ARHGEF26: variants seen among roughly 807,000 people sequenced by gnomAD.
ARHGEF26 encodes the protein Rho guanine nucleotide exchange factor 26, also known as Rho guanine nucleotide exchange factor (GEF) 26.
A neutral mutation model predicts 89.4 loss-of-function variants in ARHGEF26; 59 were observed. The observed-to-expected ratio is 0.66, with a 90% CI of 0.54 to 0.82. The LOEUF (loss-of-function observed/expected upper bound fraction) is 0.82. ARHGEF26 is among the 40% of genes least tolerant of loss of function. ARHGEF26 has a pLI of 0.00. For missense variants in ARHGEF26, 1,234 were observed against 1,085.6 expected (o/e 1.14, Z -1.92); for synonymous variants, 500 against 428.4 (o/e 1.17, Z -2.06).
In ARHGEF26 at chr3:154,207,379, C is replaced by A. The variant is rs185607259; in HGVS notation, c.1846-10490C>A. ...CATCTGACAAAGGTCTAATATCCAG[C>A]ATCTATAAGAAACTTAAATTTACAA... On this transcript the variant is annotated intron_variant, in intron 9 of 14. Coordinates refer to ENST00000465093, the MANE Select transcript of ARHGEF26 (RefSeq NM_015595.4). Among the ~76,000 whole-genome samples the A allele has an allele frequency of 5.3e-5, 8 of 152,062 alleles. No individual in the cohort carries two copies. The East Asian group carries it at 1.5e-3, about 29-fold the overall frequency.
chr3:154,176,395 A>G (rs1323578642), intron 6 of ARHGEF26, among the ~76,000 whole-genome samples: 1 of 152,122 alleles, frequency 6.6e-6, no homozygotes, highest in African/African-American at 2.4e-5. Context: ...AATTATTAAG[A>G]GGCAATTAAA....
chr3:154,226,599 A>G (rs1461028216), intron 11 of ARHGEF26, among the ~76,000 whole-genome samples: 3 of 152,116 alleles, frequency 2.0e-5, no homozygotes, highest in East Asian at 3.9e-4. Flanking sequence ...TGAGATGTCC[A>G]TGAAGAATAT....
chr3:154,135,257 C>G (rs1008949423), intron 4 of ARHGEF26, among the ~76,000 whole-genome samples: 1 of 152,000 alleles, frequency 6.6e-6, no homozygotes, highest in Non-Finnish European at 1.5e-5. Context: ...TTTCAGAAAT[C>G]GTGATTGGTC....
intron 9 of ARHGEF26, among the ~76,000 whole-genome samples, chr3:154,212,825 C>A (rs1045160857): frequency 1.3e-5 from 2 of 151,980 alleles, no homozygotes; most frequent in Non-Finnish European, 2.9e-5. Flanking sequence ...CACCTCCTGC[C>A]GTGCGCTGGA....
chr3:154,144,234 TG>T (rs1719564616), intron 4 of ARHGEF26, among the ~76,000 whole-genome samples: 1 of 152,188 alleles, frequency 6.6e-6, no homozygotes, highest in African/African-American at 2.4e-5. Context: ...GCTCAGGCTT[TG>T]GGGGTGGACA....
chr3:154,255,525 T>G lies in ARHGEF26; in HGVS notation c.*52T>G. 1.3e-6 allele frequency: 2 copies of G among 1,577,052 alleles called. No individual in the cohort carries two copies. The highest frequency in any genetic ancestry group is 2.4e-5 in the South Asian group (2 of 83,948). On this transcript the variant is annotated 3_prime_UTR_variant, in exon 15 of 15. Coordinates refer to ENST00000465093, the MANE Select transcript of ARHGEF26 (RefSeq NM_015595.4). The stretch of plus-strand genomic sequence containing the variant: ...AAGATTTGCACGACACTTACCGGGC[T>G]GGTTGGTTCTGGGCTAGTTTTATTG...
intron 4 of ARHGEF26, among the ~76,000 whole-genome samples, chr3:154,141,461 G>T (rs1040253870): frequency 1.3e-5 from 2 of 152,152 alleles, no homozygotes; most frequent in Non-Finnish European, 2.9e-5. Flanking sequence ...TGGCCTCCAT[G>T]ATGTACTATG....
At chr3:154,197,788 G>T (rs1199625464) in intron 9 of ARHGEF26, among the ~76,000 whole-genome samples, 3 of 151,990 alleles carry the variant, frequency 2.0e-5, no homozygotes, top group South Asian at 2.1e-4. Context: ...TAACATGCTG[G>T]GGGGAGAAAT....
intron 12 of ARHGEF26, 63 bp downstream of exon 12, chr3:154,240,642 G>A (rs1457826184): frequency 7.0e-7 from 1 of 1,437,168 alleles, no homozygotes; most frequent in Non-Finnish European, 9.3e-7. Context: ...GATTTTCTTT[G>A]GTTTACAGAC....
At chr3:154,231,712 C>A (rs1049114929) in intron 11 of ARHGEF26, among the ~76,000 whole-genome samples, 2 of 152,132 alleles carry the variant, frequency 1.3e-5, no homozygotes, top group African/African-American at 4.8e-5. Context: ...AGGTACGGCA[C>A]GCTCTAGGAC....
chr3:154,234,890 T>C (rs542072260), intron 11 of ARHGEF26, among the ~76,000 whole-genome samples: 12 of 152,226 alleles, frequency 7.9e-5, no homozygotes, highest in East Asian at 1.9e-4. Context: ...CTCAGCCTCC[T>C]GAGTAGCTGG....
chr3:154,208,759 T>C (rs1310130040), intron 9 of ARHGEF26, among the ~76,000 whole-genome samples: 1 of 147,848 alleles, frequency 6.8e-6, no homozygotes, highest in Admixed American at 7.0e-5. Context: ...AGTATGCCAA[T>C]TGCATTTTTT....
Position 154,255,930 on chromosome 3 carries a change from T to C in ARHGEF26, c.*457T>C. 1.0e-6 allele frequency: 1 copy of C among 987,080 alleles called. No homozygotes were observed. Among genetic ancestry groups the C allele is most frequent in the Non-Finnish European group, 1.2e-6 (1 of 830,878 alleles). 61.1% of individuals were successfully genotyped at this position (987,080 alleles called of 1,614,324 possible). On this transcript the variant is annotated 3_prime_UTR_variant, in exon 15 of 15. Transcript: ENST00000465093. The stretch of plus-strand genomic sequence containing the variant: ...TTTTGTAAATATTTCCCTGCCTTTT[T>C]TTTTCTTTTTTTACATCTGATTTTA...
chr3:154,254,072 T>C (rs1315168224), intron 13 of ARHGEF26, among the ~76,000 whole-genome samples: 2 of 152,052 alleles, frequency 1.3e-5, no homozygotes, highest in Admixed American at 6.5e-5. Context: ...CCCGCCACCA[T>C]GCCCAGCTAA....
chr3:154,236,902 T>G (rs1351106280), intron 11 of ARHGEF26, among the ~76,000 whole-genome samples: 1 of 152,196 alleles, frequency 6.6e-6, no homozygotes, highest in Non-Finnish European at 1.5e-5. Context: ...GTAAATTACT[T>G]TAAAAACAAA....
At chr3:154,192,015 T>C (rs1469486279) in intron 8 of ARHGEF26, among the ~76,000 whole-genome samples, 2 of 152,108 alleles carry the variant, frequency 1.3e-5, no homozygotes, top group Non-Finnish European at 2.9e-5. Flanking sequence ...GAAAAGTGAG[T>C]AGAGTCTGCC....
At chr3:154,125,708 T>TA (rs1431318227) in intron 3 of ARHGEF26, among the ~76,000 whole-genome samples, 3 of 152,200 alleles carry the variant, frequency 2.0e-5, no homozygotes, top group Non-Finnish European at 4.4e-5. Flanking sequence ...TAACTAGTTT[T>TA]ACGTTATTTC....
At position 154,191,345 on chromosome 3, in the gene ARHGEF26, G is replaced by A. The variant is rs1403456528; in HGVS notation, c.1697G>A (p.Cys566Tyr). 1.1e-5 allele frequency: 17 copies of A among 1,613,548 alleles called. No homozygotes were observed. The highest frequency in any genetic ancestry group is 1.4e-5 in the Non-Finnish European group (17 of 1,179,782). ...TCAAGGATTGAGTCCCATGAAGACT[G>A]TAGGAACTTACCCATGATCTCTTTT... ...VLSRIESHEDCRNLPMISFLI... is the reference protein window; with the variant it reads ...VLSRIESHEDYRNLPMISFLI... Residue 566 changes from cysteine (C) to tyrosine (Y), a missense_variant, in exon 8 of 15, where the codon TGT (cysteine) becomes TAT (tyrosine). Coordinates refer to ENST00000465093, the MANE Select transcript of ARHGEF26 (RefSeq NM_015595.4).
chr3:154,223,538 G>A (rs1559910512), intron 10 of ARHGEF26, among the ~76,000 whole-genome samples: 1 of 152,274 alleles, frequency 6.6e-6, no homozygotes, highest in East Asian at 1.9e-4. Context: ...TCTTATACAT[G>A]CCTTGTGGAT....
Sources: gnomAD v4.1 joint callset for allele counts (sites outside exome capture counted in the v4.1 genomes callset) on GRCh38, gnomAD v4.1.1 for gene constraint, MANE v1.5 for transcripts, NCBI Gene and HGNC (gene_info 2026-07-23, HGNC 2026-07-21) for gene names.